DNAH8: variants seen among roughly 807,000 people sequenced by gnomAD.
DNAH8 encodes axonemal beta dynein heavy chain 8.
In DNAH8, 382 loss-of-function variants were observed where a neutral mutation model predicts 562.1. The observed-to-expected ratio is 0.68, with a 90% confidence interval of 0.63 to 0.74. DNAH8 has a LOEUF of 0.74. Ranked by LOEUF, DNAH8 falls within the 30% of genes least tolerant of loss-of-function variation. The pLI, the probability that DNAH8 is intolerant of heterozygous loss-of-function variation, is 0.00. For missense variants in DNAH8, 5,203 were observed against 5,620.4 expected (o/e 0.93, Z 2.37); for synonymous variants, 1,881 against 1,919.4 (o/e 0.98, Z 0.52).
In DNAH8 at chr6:38,771,918, G is replaced by A. The variant is rs142016495; in HGVS notation, c.1764+1359G>A. On this transcript the variant is annotated intron_variant, in intron 12 of 92. Coordinates refer to ENST00000327475, the MANE Select transcript of DNAH8 (RefSeq NM_001206927.2). ...TGGGTATATGTGCAGAAGTAGAATT[G>A]CTAGGTCATATGGCAAATCCATGTT... Among the ~76,000 whole-genome samples, 287 of 152,172 alleles carry A rather than the reference G, an allele frequency of 1.9e-3. 1 individual carries two copies. Among genetic ancestry groups the A allele is most frequent in the African/African-American group, 6.3e-3 (261 of 41,510 alleles).
rs146541069 is a variant in DNAH8, at chr6:38,907,975, G to A, written c.9368G>A (p.Arg3123Gln). 2.2e-5 allele frequency: 36 copies of A among 1,603,464 alleles called. No individual in the cohort carries two copies. Among genetic ancestry groups the A allele is most frequent in the Admixed American group, 1.9e-4 (11 of 57,806 alleles). Residue 3123 changes from arginine (R) to glutamine (Q), a missense_variant, in exon 64 of 93, where the codon CGA becomes CAA. Physicochemically the swap from Arg to Gln is conservative, Grantham distance 43 (BLOSUM62 1). This residue lies in a region of DNAH8 where 977 missense variants were observed against 1,061.8 expected (regional missense o/e 0.92). Transcript: ENST00000327475. ...SSGEISNLFA[R>Q]DEMDEITQGL... The stretch of plus-strand genomic sequence containing the variant: ...TTAAAGATCTCCAACTTGTTTGCAC[G>A]AGATGAGATGGATGAAATCACCCAA...
At chr6:38,793,791 A>G (rs940169437) in intron 21 of DNAH8, among the ~76,000 whole-genome samples, 3 of 152,048 alleles carry the variant, frequency 2.0e-5, no homozygotes, top group Non-Finnish European at 2.9e-5. Flanking sequence ...AGACATTAAA[A>G]AATATTTTAT....
At position 38,971,476 on chromosome 6, in the gene DNAH8, T is replaced by TTTG. The variant is rs1315891578; in HGVS notation, c.12452-114_12452-113insGTT. 6.4e-6 allele frequency: 4 copies of TTTG among 621,340 alleles called. No homozygotes were observed. The African/African-American group carries it at 7.6e-5, about 12-fold the overall frequency. 38.5% of individuals were successfully genotyped at this position (621,340 alleles called of 1,614,324 possible). A position where few individuals can be genotyped will look rare whatever the true frequency, so the allele number is the denominator to read the frequency against. Reference sequence around the variant, plus strand: ...AGGCCTGTTTGAACAGCAAAGATTTTTTTTTTTTTTTAGAAACAATAGAAG... The same window carrying TTTG: ...AGGCCTGTTTGAACAGCAAAGATTTTTTGTTTTTTTTTTTAGAAACAATAGAAG... On this transcript the variant is annotated intron_variant, in intron 82 of 92. Coordinates refer to ENST00000327475, the MANE Select transcript of DNAH8 (RefSeq NM_001206927.2).
intron 5 of DNAH8, among the ~76,000 whole-genome samples, chr6:38,735,359 G>A (rs552403460): frequency 2.0e-5 from 3 of 152,302 alleles, no homozygotes; most frequent in East Asian, 3.9e-4. Flanking sequence ...AAGATTGCTT[G>A]AAGAGAGCTT....
At chr6:38,773,847 C>G (rs915407410) in intron 12 of DNAH8, among the ~76,000 whole-genome samples, 1 of 152,116 alleles carries the variant, frequency 6.6e-6, no homozygotes, top group Non-Finnish European at 1.5e-5. Flanking sequence ...AAGAGGAGAG[C>G]CACAAGTGTG....
chr6:38,860,731 G>T, intron 43 of DNAH8, 102 bp downstream of exon 43: 1 of 845,864 alleles, frequency 1.2e-6, no homozygotes. Context: ...TTTCTGTCAT[G>T]CTGGGTAGAT....
At chr6:38,990,814 A>G (rs1268183491) in intron 88 of DNAH8, among the ~76,000 whole-genome samples, 1 of 152,218 alleles carries the variant, frequency 6.6e-6, no homozygotes, top group African/African-American at 2.4e-5. Flanking sequence ...GCCCCTTGGC[A>G]TGAGGTGTCA....
intron 41 of DNAH8, 52 bp downstream of exon 41, chr6:38,853,399 G>T: frequency 6.3e-7 from 1 of 1,586,522 alleles, no homozygotes; most frequent in South Asian, 1.1e-5. Context: ...AAATAAAGGG[G>T]AAGGATGCTT....
chr6:38,764,127 GA>G (rs1766767221), intron 11 of DNAH8: 2 of 153,324 alleles, frequency 1.3e-5, no homozygotes, highest in South Asian at 4.1e-4. Flanking sequence ...GCACTTCAGT[GA>G]AATACCTCAT....
At chr6:38,921,223 G>T in intron 70 of DNAH8, 146 bp from the exon 71 acceptor site, 1 of 893,398 alleles carries the variant, frequency 1.1e-6, no homozygotes, top group Non-Finnish European at 1.7e-6. Flanking sequence ...CCTCCAAGAC[G>T]CTTTGCTTTC....
chr6:38,915,706 C>G (rs983955584), intron 68 of DNAH8, among the ~76,000 whole-genome samples: 1 of 152,050 alleles, frequency 6.6e-6, no homozygotes, highest in African/African-American at 2.4e-5. Context: ...ATGTCATGCT[C>G]CCTTTTAAAA....
chr6:38,981,311 A>G (rs1326809256), intron 85 of DNAH8, among the ~76,000 whole-genome samples: 2 of 152,094 alleles, frequency 1.3e-5, no homozygotes, highest in Admixed American at 6.6e-5. Flanking sequence ...GGGTTGTTGG[A>G]TCATCAATTC....
chr6:38,910,100 A>T (rs1457710334), intron 65 of DNAH8, among the ~76,000 whole-genome samples: 1 of 152,208 alleles, frequency 6.6e-6, no homozygotes, highest in Non-Finnish European at 1.5e-5. Flanking sequence ...ATTTATTTTG[A>T]TTAAAGTACA....
chr6:38,943,661 A>G (rs539140113), intron 79 of DNAH8, among the ~76,000 whole-genome samples: 2 of 152,296 alleles, frequency 1.3e-5, no homozygotes, highest in African/African-American at 4.8e-5. Context: ...TTTTAGAAAG[A>G]TATTATCTTT....
At chr6:38,876,609 G>T (rs542469930) in intron 53 of DNAH8, among the ~76,000 whole-genome samples, 1 of 152,130 alleles carries the variant, frequency 6.6e-6, no homozygotes, top group Admixed American at 6.6e-5. Context: ...ATTGAGAAGC[G>T]CACGTCACAG....
chr6:38,815,795 G>A (rs1193989803), intron 26 of DNAH8, 138 bp downstream of exon 26: 3 of 814,270 alleles, frequency 3.7e-6, no homozygotes, highest in Non-Finnish European at 5.4e-6. Flanking sequence ...TAACGTGCAG[G>A]CATTTTTTCC....
chr6:38,951,713 AG>A (rs1561907398), intron 82 of DNAH8, among the ~76,000 whole-genome samples, 193 bp downstream of exon 82: 4 of 152,338 alleles, frequency 2.6e-5, no homozygotes, highest in African/African-American at 9.6e-5. Flanking sequence ...TGTTTAGAGA[AG>A]AACATGCTCA....
At chr6:38,852,400 G>C (rs541567070) in intron 39 of DNAH8, among the ~76,000 whole-genome samples, 2 of 152,194 alleles carry the variant, frequency 1.3e-5, no homozygotes, top group South Asian at 2.1e-4. Context: ...GGGGGAGGAG[G>C]GGGGAGGCGG....
In DNAH8 at chr6:38,883,297, CAACACTA is replaced by C; in HGVS notation, c.8002-24_8002-18del. The C allele has an allele frequency of 6.3e-7, 1 of 1,579,668 alleles. No individual in the cohort carries two copies. Among genetic ancestry groups the C allele is most frequent in the Non-Finnish European group, 8.6e-7 (1 of 1,166,488 alleles). ...AAACTAAATAAGTTGTAACACATTT[CAACACTA>C]TTATCCTATGATTGCAGGCTGTTTT... On this transcript the variant is annotated intron_variant, in intron 54 of 92. Coordinates refer to ENST00000327475, the MANE Select transcript of DNAH8 (RefSeq NM_001206927.2).
Sources: allele counts gnomAD v4.1 joint callset (sites outside exome capture counted in the v4.1 genomes callset), GRCh38; gene constraint gnomAD v4.1.1; regional missense constraint gnomAD v4.1.1; transcripts MANE v1.5; gene names NCBI Gene and HGNC (gene_info 2026-07-23, HGNC 2026-07-21).